Variants in INSC observed in about 807,000 individuals in gnomAD.
INSC encodes the protein INSC spindle orientation adaptor protein.
In INSC, 67 loss-of-function variants were observed where a neutral mutation model predicts 58.6. The ratio of observed to expected loss-of-function variants is 1.14; its 90% confidence interval spans 0.94 to 1.40. INSC has a LOEUF of 1.40. Among genes scored for constraint, INSC ranks in the 40% most tolerant of loss-of-function variants. The probability of loss-of-function intolerance (pLI) is 0.00; values close to 1 mark genes in which losing one functional copy is unlikely to be tolerated. For synonymous variants in INSC, 262 were observed against 276.1 expected, an observed-to-expected ratio of 0.95 and a Z score of 0.51; for missense variants, 714 against 692.0, an observed-to-expected ratio of 1.03 and a Z score of -0.36.
intron 1 of INSC, among the ~76,000 whole-genome samples, chr11:15,133,186 C>T (rs576174205): frequency 2.0e-5 from 3 of 152,130 alleles, no homozygotes; most frequent in African/African-American, 4.8e-5. Flanking sequence ...TTAGTTCTCT[C>T]GTATTTTTTC....
In INSC at chr11:15,177,100, T is replaced by G. The variant is rs1849597517; in HGVS notation, c.403-11T>G. ...TACTGAGTTGAATAAAATGGACTTA[T>G]TTTTCTACAGATTGAGAAGCTGCTA... On this transcript the variant is annotated splice_polypyrimidine_tract_variant and intron_variant, in intron 3 of 12. Coordinates refer to ENST00000379556, the MANE Select transcript of INSC (RefSeq NM_001042536.3). 10 of 1,613,194 alleles carry G rather than the reference T, an allele frequency of 6.2e-6. No individual in the cohort carries two copies. The highest frequency in any genetic ancestry group is 8.5e-6 in the Non-Finnish European group (10 of 1,179,302).
In INSC at chr11:15,177,110, G is replaced by T. The variant is rs371335288; in HGVS notation, c.403-1G>T. The stretch of plus-strand genomic sequence containing the variant: ...AATAAAATGGACTTATTTTTCTACA[G>T]ATTGAGAAGCTGCTAATGGAGAAAT... On this transcript the variant is annotated splice_acceptor_variant, in intron 3 of 12. Transcript: ENST00000379556. LOFTEE classifies it high-confidence loss of function. 2.5e-6 allele frequency: 4 copies of T among 1,613,786 alleles called. No homozygotes were observed. The highest frequency in any genetic ancestry group is 1.1e-5 in the South Asian group (1 of 91,066).
chr11:15,224,646 G>C (rs1344561564), intron 8 of INSC, among the ~76,000 whole-genome samples: 1 of 152,212 alleles, frequency 6.6e-6, no homozygotes, highest in Non-Finnish European at 1.5e-5. Flanking sequence ...CTGAGGGCCA[G>C]ACGTCAGGTC....
chr11:15,189,675 G>A (rs1024398471), intron 5 of INSC, among the ~76,000 whole-genome samples: 23 of 152,128 alleles, frequency 1.5e-4, no homozygotes, highest in Non-Finnish European at 5.9e-5. Context: ...AATAAACCTG[G>A]CAACTGAAAC....
intron 7 of INSC, among the ~76,000 whole-genome samples, chr11:15,215,533 C>T (rs7930113): frequency 0.013 from 1,990 of 152,344 alleles, 52 homozygotes; most frequent in African/African-American, 0.046. Context: ...GAGGCCAGAA[C>T]TGGAGTCCTG....
intron 2 of INSC, among the ~76,000 whole-genome samples, chr11:15,174,198 C>T (rs1458659341): frequency 6.6e-6 from 1 of 152,192 alleles, no homozygotes; most frequent in Non-Finnish European, 1.5e-5. Context: ...GCTGATCTCT[C>T]TCCTTGGAGC....
rs74635940 is a variant in INSC, at chr11:15,122,474, C to A, written c.-46+7471C>A. On this transcript the variant is annotated intron_variant, in intron 1 of 12. Coordinates refer to ENST00000379556, the MANE Select transcript of INSC (RefSeq NM_001042536.3). ...CTAAGTGACTCCCAGTTTGATGCCTCAAAGGCCTCTCAAACTCAATGTGTC... is the reference window on the plus strand; with the variant it reads ...CTAAGTGACTCCCAGTTTGATGCCTAAAAGGCCTCTCAAACTCAATGTGTC... 1.5e-3 allele frequency among the ~76,000 whole-genome samples: 225 copies of A among 152,298 alleles called. 3 individuals carry two copies. The East Asian group carries it at 0.038, about 26-fold the overall frequency.
chr11:15,234,169 G>A (rs1161592567), intron 9 of INSC, among the ~76,000 whole-genome samples: 1 of 152,196 alleles, frequency 6.6e-6, no homozygotes, highest in Non-Finnish European at 1.5e-5. Context: ...AGGTTCTGGA[G>A]TATTCTCCTG....
At chr11:15,146,785 C>T (rs774574098) in intron 1 of INSC, among the ~76,000 whole-genome samples, 7 of 152,194 alleles carry the variant, frequency 4.6e-5, no homozygotes, top group Non-Finnish European at 8.8e-5. Flanking sequence ...GCTGTATTTC[C>T]GGAATCTGCC....
chr11:15,264,288 C>T, the INSC span, among the ~76,000 whole-genome samples: 2 of 143,212 alleles, frequency 1.4e-5, no homozygotes, highest in African/African-American at 5.2e-5. Context: ...CTTGATCTTC[C>T]CTTTTGCTGT....
At chr11:15,112,653 G>GTGTGTGTGTGTGTGTGT, upstream of INSC, 1 of 371,394 alleles carries the variant, frequency 2.7e-6, no homozygotes, top group Non-Finnish European at 4.5e-6. Flanking sequence ...GAAGTGGGGG[G>GTGTGTGTGTGTGTGTGT]GGGGCATTTA....
At chr11:15,174,797 T>C (rs1171558504) in intron 2 of INSC, among the ~76,000 whole-genome samples, 1 of 152,262 alleles carries the variant, frequency 6.6e-6, no homozygotes, top group Non-Finnish European at 1.5e-5. Context: ...TTAGTTTATC[T>C]TGATTCTTTA....
chr11:15,198,293 C>A (rs1382436817), intron 6 of INSC, among the ~76,000 whole-genome samples: 1 of 152,154 alleles, frequency 6.6e-6, no homozygotes, highest in East Asian at 1.9e-4. Flanking sequence ...AGCAGCAAAG[C>A]CAGGATTTGG....
chr11:15,124,986 T>A (rs1847957031), intron 1 of INSC, among the ~76,000 whole-genome samples: 1 of 152,240 alleles, frequency 6.6e-6, no homozygotes, highest in African/African-American at 2.4e-5. Flanking sequence ...TTTCATGCCC[T>A]TAGAGGATTT....
At chr11:15,256,035 A>G in the INSC span, among the ~76,000 whole-genome samples, 34 of 152,248 alleles carry the variant, frequency 2.2e-4, no homozygotes, top group African/African-American at 8.2e-4. Context: ...CTTAAAATAG[A>G]CCCAGTTCTC....
At chr11:15,164,828 G>A in intron 2 of INSC, among the ~76,000 whole-genome samples, 1 of 152,046 alleles carries the variant, frequency 6.6e-6, no homozygotes, top group East Asian at 1.9e-4. Flanking sequence ...GAATCATGGG[G>A]GTGGTTTCCC....
At chr11:15,226,000 A>G (rs1259764730) in intron 9 of INSC, among the ~76,000 whole-genome samples, 172 bp downstream of exon 9, 2 of 152,082 alleles carry the variant, frequency 1.3e-5, no homozygotes, top group Non-Finnish European at 2.9e-5. Context: ...TAGCCTCTCT[A>G]TGAGAACTCC....
chr11:15,213,327 A>T (rs757176750), intron 7 of INSC, among the ~76,000 whole-genome samples: 4 of 152,130 alleles, frequency 2.6e-5, no homozygotes, highest in Non-Finnish European at 5.9e-5. Context: ...TTAAATTCAA[A>T]TTTCTGGTGG....
chr11:15,215,185 A>T (rs898444072), intron 7 of INSC, among the ~76,000 whole-genome samples: 1 of 152,222 alleles, frequency 6.6e-6, no homozygotes, highest in African/African-American at 2.4e-5. Context: ...GCCCATGAGG[A>T]AAGTCTGGCT....
Sources: gnomAD v4.1 joint callset for allele counts (sites outside exome capture counted in the v4.1 genomes callset) on GRCh38, gnomAD v4.1.1 for gene constraint, MANE v1.5 for transcripts, NCBI Gene and HGNC (gene_info 2026-07-23, HGNC 2026-07-21) for gene names.